Variants in NOTO observed in about 807,000 individuals in gnomAD.
NOTO encodes homeobox protein notochord.
Under a neutral mutation model 20.5 loss-of-function variants are expected in NOTO, and 19 were observed. The observed-to-expected ratio is 0.93, with a 90% CI of 0.65 to 1.36. NOTO has a LOEUF of 1.36. Ranked by LOEUF, NOTO falls within the 40% of genes most tolerant of loss-of-function variation. NOTO has a pLI of 0.00. For synonymous variants in NOTO, 150 were observed against 150.2 expected, an observed-to-expected ratio of 1.00 and a Z score of 0.01; for missense variants, 369 against 336.2, an observed-to-expected ratio of 1.10 and a Z score of -0.76.
At chr2:73,205,290 C>T (rs541272130) in intron 1 of NOTO, among the ~76,000 whole-genome samples, 1 of 152,218 alleles carries the variant, frequency 6.6e-6, no homozygotes, top group Non-Finnish European at 1.5e-5. Flanking sequence ...GGCGGGTGGA[C>T]TACTTCAGCT....
At position 73,205,582 on chromosome 2, in the gene NOTO, C is replaced by T. The variant is rs184248569; in HGVS notation, c.382+2534C>T. On this transcript the variant is annotated intron_variant, in intron 1 of 2. Coordinates refer to ENST00000398468, the MANE Select transcript of NOTO (RefSeq NM_001134462.2). ...TATTGGCCTTTGACTTTGATTATGG[C>T]GGTATTCTTTTGTTACATAGAAAAA... 1.4e-4 allele frequency among the ~76,000 whole-genome samples: 22 copies of T among 152,140 alleles called. No homozygotes were observed. The East Asian group carries it at 2.9e-3, about 20-fold the overall frequency.
In NOTO at chr2:73,203,195, C is replaced by T. The variant is rs1686031776; in HGVS notation, c.382+147C>T. 2 of 720,680 alleles carry T rather than the reference C, an allele frequency of 2.8e-6. 1 individual carries two copies. Among genetic ancestry groups the T allele is most frequent in the South Asian group, 7.5e-5 (2 of 26,622 alleles). The allele number at this position is 720,680 out of a possible 1,614,324, so 44.6% of individuals were successfully genotyped here. On this transcript the variant is annotated intron_variant, in intron 1 of 2. Transcript: ENST00000398468. ...TGGGAAGGGGCTCTGCCACCGTTTA[C>T]CTTGCAGTTGAAGCCGAGGACCGCG...
At chr2:73,209,762 A>G (rs893110899) in intron 2 of NOTO, among the ~76,000 whole-genome samples, 1 of 152,122 alleles carries the variant, frequency 6.6e-6, no homozygotes, top group African/African-American at 2.4e-5. Flanking sequence ...TGGTGATTCC[A>G]CTTAGATGTC....
At chr2:73,204,485 G>T (rs1028003829) in intron 1 of NOTO, among the ~76,000 whole-genome samples, 2 of 152,000 alleles carry the variant, frequency 1.3e-5, no homozygotes, top group Non-Finnish European at 2.9e-5. Context: ...TTCCTACTCC[G>T]TGGCACCCAC....
chr2:73,205,674 C>T (rs1172351889), intron 1 of NOTO, among the ~76,000 whole-genome samples: 1 of 150,976 alleles, frequency 6.6e-6, no homozygotes, highest in Non-Finnish European at 1.5e-5. Flanking sequence ...GACAGGTTCT[C>T]TGTCACTCAT....
At position 73,212,188 on chromosome 2, in the gene NOTO, A is replaced by T. The variant is rs1271271243; in HGVS notation, c.*1259A>T. 6.6e-6 allele frequency: 1 copy of T among 152,398 alleles called. No individual in the cohort carries two copies. Among genetic ancestry groups the T allele is most frequent in the Non-Finnish European group, 1.5e-5 (1 of 68,148 alleles). The allele number at this position is 152,398 out of a possible 1,614,324, so 9.4% of individuals were successfully genotyped here. A position where few individuals can be genotyped will look rare whatever the true frequency, so the allele number is the denominator to read the frequency against. Reference sequence around the variant, plus strand: ...AAGACAAGGACTCGCTCTGTCACCCAGACTGGAGTGCAGTGGTGCAATCAT... The same window carrying T: ...AAGACAAGGACTCGCTCTGTCACCCTGACTGGAGTGCAGTGGTGCAATCAT... On this transcript the variant is annotated 3_prime_UTR_variant, in exon 3 of 3. Transcript: ENST00000398468.
intron 1 of NOTO, among the ~76,000 whole-genome samples, chr2:73,207,025 C>G (rs1196199670): frequency 6.6e-6 from 1 of 151,790 alleles, no homozygotes; most frequent in African/African-American, 2.4e-5. Flanking sequence ...GAACTCCTGA[C>G]TTCAGGCTAT....
Position 73,202,750 on chromosome 2 carries a change from G to C in NOTO, c.84G>C (p.Pro28=), listed in dbSNP as rs1303179807. Residue 28 remains proline (P), a synonymous_variant, in exon 1 of 3, where the codon CCG becomes CCC. Coordinates refer to ENST00000398468, the MANE Select transcript of NOTO (RefSeq NM_001134462.2). ...RVRPPRSGRS[P]APRSPTGPNT... ...GACCTCCGCGCTCTGGCCGCTCTCC[G>C]GCGCCCAGGTCCCCTACTGGCCCGA... The C allele has an allele frequency of 6.6e-7, 1 of 1,519,468 alleles. No individual in the cohort carries two copies. Among genetic ancestry groups the C allele is most frequent in the Admixed American group, 2.0e-5 (1 of 49,914 alleles). 94.1% of individuals were successfully genotyped at this position (1,519,468 alleles called of 1,614,324 possible). A position where few individuals can be genotyped will look rare whatever the true frequency, so the allele number is the denominator to read the frequency against.
Position 73,204,870 on chromosome 2 carries a change from A to ATTTTTTTTTTTTTTTTTTTTTTTTTTTT in NOTO, c.382+1830_382+1831insTTTTTTTTTTTTTTTTTTTTTTTTTTTT, listed in dbSNP as rs763001329. Among the ~76,000 whole-genome samples the ATTTTTTTTTTTTTTTTTTTTTTTTTTTT allele has an allele frequency of 4.3e-5, 4 of 93,014 alleles. 1 individual carries two copies. Among genetic ancestry groups the ATTTTTTTTTTTTTTTTTTTTTTTTTTTT allele is most frequent in the African/African-American group, 1.8e-4 (3 of 16,666 alleles). The allele number at this position is 93,014 out of a possible 152,430, so 61.0% of individuals were successfully genotyped here. On this transcript the variant is annotated intron_variant, in intron 1 of 2. Coordinates refer to ENST00000398468, the MANE Select transcript of NOTO (RefSeq NM_001134462.2). ...CAAGCCCCAGCACCATGCCCGGCTA[A>ATTTTTTTTTTTTTTTTTTTTTTTTTTTT]TTTTTTTTATTTTTTTATTTTTTTT...
At chr2:73,208,915 G>A (rs182991220) in intron 2 of NOTO, among the ~76,000 whole-genome samples, 22 of 152,226 alleles carry the variant, frequency 1.4e-4, no homozygotes, top group Admixed American at 7.2e-4. Context: ...GGCCAGGTGC[G>A]GTGGCTCACG....
At position 73,208,552 on chromosome 2, in the gene NOTO, C is replaced by CA. The variant is rs1558548065; in HGVS notation, c.536dup (p.His179GlnfsTer53). 1 of 1,551,574 alleles carries CA rather than the reference C, an allele frequency of 6.4e-7. No individual in the cohort carries two copies. The highest frequency in any genetic ancestry group is 2.0e-5 in the Admixed American group (1 of 51,002). ...GTTGGAGAAAGTGTTTGCAAAACAG[C>CA]ACAATCTGGTGGGGAAGAAGAGAGC... On this transcript the variant is annotated frameshift_variant, in exon 2 of 3. Transcript: ENST00000398468. LOFTEE classifies it high-confidence loss of function.
In NOTO at chr2:73,202,803, AG is replaced by A; in HGVS notation, c.138del (p.Glu46AspfsTer58). The part of the protein sequence containing the change: ...PNTPRAPGRF[E>X]SPFSVEAILA... Reference sequence around the variant, plus strand: ...ACGCCCCGCGCTCCCGGACGCTTCGAGTCCCCTTTCTCGGTCGAGGCCATCC... The same window carrying A: ...ACGCCCCGCGCTCCCGGACGCTTCGATCCCCTTTCTCGGTCGAGGCCATCC... On this transcript the variant is annotated frameshift_variant, in exon 1 of 3. Transcript: ENST00000398468. LOFTEE classifies it high-confidence loss of function. 2.6e-6 allele frequency: 4 copies of A among 1,525,914 alleles called. No individual in the cohort carries two copies. Among genetic ancestry groups the A allele is most frequent in the Non-Finnish European group, 3.5e-6 (4 of 1,142,372 alleles). 94.5% of individuals were successfully genotyped at this position (1,525,914 alleles called of 1,614,324 possible). A position where few individuals can be genotyped will look rare whatever the true frequency, so the allele number is the denominator to read the frequency against.
rs1004134249 is a variant in NOTO at position 73,210,846 on chromosome 2, G to A, written c.673G>A (p.Glu225Lys). ...GCTGAGGGCAGCAGTTACATCTGCC[G>A]AGGCTGCCTCCCTGGATGAGCCTTC... The part of the protein sequence containing the change: ...QKLRAAVTSA[E>K]AASLDEPSSS... Residue 225 changes from glutamate to lysine, a missense_variant, in exon 3 of 3, where the codon GAG becomes AAG. Coordinates refer to ENST00000398468, the MANE Select transcript of NOTO (RefSeq NM_001134462.2). The A allele has an allele frequency of 7.1e-6, 11 of 1,551,494 alleles. No individual in the cohort carries two copies. The highest frequency in any genetic ancestry group is 4.1e-5 in the African/African-American group (3 of 73,064).
intron 2 of NOTO, 65 bp downstream of exon 2, chr2:73,208,679 C>T: frequency 9.4e-7 from 1 of 1,060,774 alleles, no homozygotes; most frequent in Non-Finnish European, 1.4e-6. Flanking sequence ...TCAGCAAGGC[C>T]CTAAAAGGAG....
At position 73,210,768 on chromosome 2, in the gene NOTO, T is replaced by C; in HGVS notation, c.598-3T>C. 1.9e-6 allele frequency: 3 copies of C among 1,547,762 alleles called. No individual in the cohort carries two copies. Among genetic ancestry groups the C allele is most frequent in the Non-Finnish European group, 1.7e-6 (2 of 1,144,542 alleles). On this transcript the variant is annotated splice_region_variant and splice_polypyrimidine_tract_variant and intron_variant, in intron 2 of 2. Coordinates refer to ENST00000398468, the MANE Select transcript of NOTO (RefSeq NM_001134462.2). Reference sequence around the variant, plus strand: ...CTGATCTCTGCCCACTCTCCAATTATAGGTGAGAGTCTGGTTCCAGAACCG... The same window carrying C: ...CTGATCTCTGCCCACTCTCCAATTACAGGTGAGAGTCTGGTTCCAGAACCG...
At chr2:73,206,134 C>A (rs2103691992) in intron 1 of NOTO, among the ~76,000 whole-genome samples, 1 of 152,292 alleles carries the variant, frequency 6.6e-6, no homozygotes, top group East Asian at 1.9e-4. Context: ...TACCTTTTTA[C>A]ATTTAAATAT....
intron 2 of NOTO, among the ~76,000 whole-genome samples, chr2:73,210,022 G>A (rs1558548479): frequency 1.3e-5 from 2 of 152,116 alleles, no homozygotes; most frequent in East Asian, 1.9e-4. Flanking sequence ...TCCCGGGGCC[G>A]CTGCAGTAGC....
intron 1 of NOTO, among the ~76,000 whole-genome samples, chr2:73,205,033 G>A (rs12329231): frequency 0.55 from 82,903 of 151,480 alleles, 24,305 homozygotes; most frequent in African/African-American, 0.79. Context: ...GGCACATGCC[G>A]CCACACCTGG....
At chr2:73,205,340 G>A (rs1179554964) in intron 1 of NOTO, among the ~76,000 whole-genome samples, 1 of 151,988 alleles carries the variant, frequency 6.6e-6, no homozygotes, top group Non-Finnish European at 1.5e-5. Flanking sequence ...GCAAAACCCC[G>A]TCTCTACTAA....
Sources: allele counts gnomAD v4.1 joint callset (sites outside exome capture counted in the v4.1 genomes callset), GRCh38; gene constraint gnomAD v4.1.1; transcripts MANE v1.5; gene names NCBI Gene and HGNC (gene_info 2026-07-23, HGNC 2026-07-21).